Variants in BAIAP2L1 observed in about 807,000 individuals in gnomAD.
BAIAP2L1 encodes BAR/IMD domain containing adaptor protein 2 like 1.
In BAIAP2L1, 35 loss-of-function variants were observed where a neutral mutation model predicts 66.3. The ratio of observed to expected loss-of-function variants is 0.53; its 90% confidence interval spans 0.40 to 0.70. The LOEUF is 0.70. Ranked by LOEUF, BAIAP2L1 falls within the 30% of genes least tolerant of loss-of-function variation. The pLI, the probability that BAIAP2L1 is intolerant of heterozygous loss-of-function variation, is 0.00. For synonymous variants in BAIAP2L1, 269 were observed against 248.7 expected, an observed-to-expected ratio of 1.08 and a Z score of -0.77; for missense variants, 622 against 656.9, an observed-to-expected ratio of 0.95 and a Z score of 0.58.
intron 1 of BAIAP2L1, among the ~76,000 whole-genome samples, chr7:98,396,763 G>A (rs1803218728): frequency 6.6e-6 from 1 of 152,160 alleles, no homozygotes; most frequent in Admixed American, 6.6e-5. Context: ...ACTCCAGCCT[G>A]AGCAACAAAG....
chr7:98,362,931 C>A (rs73391074), intron 1 of BAIAP2L1, among the ~76,000 whole-genome samples: 1 of 144,168 alleles, frequency 6.9e-6, no homozygotes, highest in African/African-American at 2.6e-5. Context: ...GGGGTGTGGG[C>A]GGGGAGGGAC....
chr7:98,386,654 T>A (rs1802898936), intron 1 of BAIAP2L1: 1 of 1,168,238 alleles, frequency 8.6e-7, no homozygotes, highest in Non-Finnish European at 1.2e-6. Flanking sequence ...CTTTTTTTTG[T>A]CTCTCATCGA....
intron 3 of BAIAP2L1, among the ~76,000 whole-genome samples, chr7:98,336,123 A>C (rs1801610849): frequency 6.6e-6 from 1 of 151,528 alleles, no homozygotes; most frequent in East Asian, 1.9e-4. Flanking sequence ...AGATGGGAAC[A>C]ACAGACACTG....
intron 5 of BAIAP2L1, among the ~76,000 whole-genome samples, chr7:98,317,755 C>G (rs1370065158): frequency 6.7e-6 from 1 of 148,222 alleles, no homozygotes; most frequent in Non-Finnish European, 1.5e-5. Flanking sequence ...ACGCTCACCA[C>G]ACAGTTCACA....
chr7:98,379,411 G>A (rs1007276331), intron 1 of BAIAP2L1, among the ~76,000 whole-genome samples: 11 of 152,240 alleles, frequency 7.2e-5, no homozygotes, highest in South Asian at 2.1e-4. Context: ...AATCAGCCTC[G>A]AAAATTGAGC....
intron 1 of BAIAP2L1, among the ~76,000 whole-genome samples, chr7:98,385,013 T>TA (rs1421623411): frequency 6.6e-6 from 1 of 152,056 alleles, no homozygotes; most frequent in Non-Finnish European, 1.5e-5. Context: ...TCTATTGTCT[T>TA]AAAATCGCAG....
At chr7:98,349,400 TAAG>T (rs1337306787) in intron 3 of BAIAP2L1, among the ~76,000 whole-genome samples, 1 of 152,132 alleles carries the variant, frequency 6.6e-6, no homozygotes, top group Non-Finnish European at 1.5e-5. Context: ...GCAATACTTC[TAAG>T]AAGAGCCACG....
At chr7:98,391,473 G>A (rs776221578) in intron 1 of BAIAP2L1, among the ~76,000 whole-genome samples, 2 of 151,954 alleles carry the variant, frequency 1.3e-5, no homozygotes, top group African/African-American at 2.4e-5. Flanking sequence ...CTTTTGGGAG[G>A]ATGAGGCAGG....
At chr7:98,389,126 G>T (rs995378418) in intron 1 of BAIAP2L1, among the ~76,000 whole-genome samples, 8 of 151,972 alleles carry the variant, frequency 5.3e-5, no homozygotes, top group African/African-American at 1.9e-4. Context: ...TCAGGCAATT[G>T]TGTCAGACAG....
chr7:98,385,869 T>A, intron 1 of BAIAP2L1: 1 of 1,468,820 alleles, frequency 6.8e-7, no homozygotes, highest in South Asian at 1.1e-5. Flanking sequence ...CCCCAGTGGC[T>A]TTTCCAGAAC....
chr7:98,324,474 A>C (rs1328422604), intron 3 of BAIAP2L1, among the ~76,000 whole-genome samples: 4 of 152,236 alleles, frequency 2.6e-5, no homozygotes, highest in African/African-American at 9.6e-5. Flanking sequence ...AAAGAGATGC[A>C]TTTAGCCAAT....
At chr7:98,390,204 T>C (rs1221548043) in intron 1 of BAIAP2L1, among the ~76,000 whole-genome samples, 4 of 151,740 alleles carry the variant, frequency 2.6e-5, no homozygotes, top group Non-Finnish European at 4.4e-5. Flanking sequence ...CATGAGCCAC[T>C]GCGCCCGGTC....
chr7:98,398,841 T>C (rs567901187), intron 1 of BAIAP2L1, among the ~76,000 whole-genome samples: 87 of 152,246 alleles, frequency 5.7e-4, no homozygotes, highest in Non-Finnish European at 1.1e-3. Flanking sequence ...TGGTCTCAAG[T>C]TGCAATCGCA....
Position 98,315,571 on chromosome 7 carries a change from T to C in BAIAP2L1, c.528A>G (p.Lys176=). Residue 176 remains lysine (K), a synonymous_variant, in exon 7 of 14, where the codon AAA becomes AAG. Coordinates refer to ENST00000005260, the MANE Select transcript of BAIAP2L1 (RefSeq NM_018842.5). ...CCTCTTTGCAACCATCTGCAATGAA[T>C]TTCTGGATTTCACTCTGACGAGAAG... ...TVTSRQSEIQ[K]FIADGCKEAL... 1 of 1,485,990 alleles carries C rather than the reference T, an allele frequency of 6.7e-7. No homozygotes were observed. Among genetic ancestry groups the C allele is most frequent in the Non-Finnish European group, 9.0e-7 (1 of 1,108,424 alleles). 92.1% of individuals were successfully genotyped at this position (1,485,990 alleles called of 1,614,324 possible).
At chr7:98,308,232 C>G (rs1334316556) in intron 9 of BAIAP2L1, 1 of 505,534 alleles carries the variant, frequency 2.0e-6, no homozygotes, top group African/African-American at 1.9e-5. Flanking sequence ...AGACAAACCG[C>G]TCCAACGCCA....
intron 12 of BAIAP2L1, among the ~76,000 whole-genome samples, chr7:98,297,666 G>A (rs1264604281): frequency 2.6e-5 from 4 of 152,148 alleles, no homozygotes; most frequent in African/African-American, 9.7e-5. Flanking sequence ...ATTCTCAAAA[G>A]GGGGACGCTG....
intron 1 of BAIAP2L1, among the ~76,000 whole-genome samples, chr7:98,395,365 G>A (rs1444955913): frequency 1.3e-5 from 2 of 151,894 alleles, no homozygotes; most frequent in Admixed American, 1.3e-4. Context: ...CTTGAACCTG[G>A]GAGGTGGAGG....
intron 11 of BAIAP2L1, among the ~76,000 whole-genome samples, chr7:98,305,731 C>A (rs1466836300): frequency 6.6e-6 from 1 of 152,190 alleles, no homozygotes; most frequent in Non-Finnish European, 1.5e-5. Context: ...CCAGTTTCCT[C>A]ATTTTTTAAA....
chr7:98,343,129 A>G (rs1442214517), intron 3 of BAIAP2L1, among the ~76,000 whole-genome samples: 1 of 151,894 alleles, frequency 6.6e-6, no homozygotes, highest in Non-Finnish European at 1.5e-5. Context: ...CAGGCGCAGT[A>G]GCTCACGCCT....
Sources: allele counts gnomAD v4.1 joint callset (sites outside exome capture counted in the v4.1 genomes callset), GRCh38; gene constraint gnomAD v4.1.1; transcripts MANE v1.5; gene names NCBI Gene and HGNC (gene_info 2026-07-23, HGNC 2026-07-21).